FIRRM: variants seen among roughly 807,000 people sequenced by gnomAD.
FIRRM encodes FIGNL1 interacting regulator of recombination and mitosis.
At chr1:169,830,422 A>C in the FIRRM span, 18 of 1,241,340 alleles carry the variant, frequency 1.5e-5, no homozygotes. Flanking sequence ...TTGTAAGCTT[A>C]TAGAAAAACT....
the FIRRM span, chr1:169,784,992 A>T: frequency 1.3e-5 from 2 of 152,250 alleles, no homozygotes; most frequent in Non-Finnish European, 2.9e-5. Flanking sequence ...TTAGTCTGCC[A>T]GTATTGGAGA....
At chr1:169,788,549 T>G in the FIRRM span, among the ~76,000 whole-genome samples, 1 of 152,186 alleles carries the variant, frequency 6.6e-6, no homozygotes, top group Admixed American at 6.5e-5. Flanking sequence ...GTGGTTAAGT[T>G]TTCGAGGAGT....
chr1:169,849,373 T>C, the FIRRM span: 1 of 657,234 alleles, frequency 1.5e-6, no homozygotes, highest in Middle Eastern at 4.2e-4. Flanking sequence ...CTAATATGTT[T>C]TAGTGTGTGT....
chr1:169,789,626 A>G, the FIRRM span, among the ~76,000 whole-genome samples: 1 of 152,242 alleles, frequency 6.6e-6, no homozygotes. Flanking sequence ...TTCATCCTAA[A>G]TAATCTGCAA....
chr1:169,849,919 G>T, the FIRRM span: 8 of 461,158 alleles, frequency 1.7e-5, no homozygotes, highest in Non-Finnish European at 3.1e-5. Context: ...ATTTCATTTT[G>T]TGCTATCAGT....
the FIRRM span, chr1:169,795,842 T>C: frequency 6.0e-6 from 5 of 833,184 alleles, no homozygotes; most frequent in Admixed American, 1.0e-3. Flanking sequence ...GGAGTCTTTC[T>C]GAAAGAGTTC....
At chr1:169,853,628 T>G in the FIRRM span, 1 of 1,460,656 alleles carries the variant, frequency 6.8e-7, no homozygotes, top group Non-Finnish European at 9.5e-7. Flanking sequence ...TTTGGGGTTT[T>G]CTTGTCCCAA....
chr1:169,836,991 C>G, the FIRRM span: 2 of 1,613,746 alleles, frequency 1.2e-6, no homozygotes, highest in Non-Finnish European at 1.7e-6. Context: ...CAACATATTT[C>G]CTTCCAGGCG....
chr1:169,849,477 A>T, the FIRRM span: 1 of 1,552,204 alleles, frequency 6.4e-7, no homozygotes, highest in East Asian at 2.2e-5. Flanking sequence ...TTTCTCTATT[A>T]TAATAAGGCT....
chr1:169,803,157 C>T, the FIRRM span: 1 of 1,611,176 alleles, frequency 6.2e-7, no homozygotes. Context: ...AAATTTCCTT[C>T]CTTATTCACA....
At chr1:169,817,625 G>A in the FIRRM span, among the ~76,000 whole-genome samples, 16 of 152,114 alleles carry the variant, frequency 1.1e-4, no homozygotes, top group Admixed American at 6.5e-4. Context: ...CTTTGCACTA[G>A]TGTCCTATTG....
At chr1:169,795,589 C>T in the FIRRM span, 15 of 1,025,110 alleles carry the variant, frequency 1.5e-5, no homozygotes, top group South Asian at 5.4e-4. Flanking sequence ...ATGACGATAG[C>T]TCTGGCTCTT....
At chr1:169,832,333 T>G in the FIRRM span, 2 of 855,354 alleles carry the variant, frequency 2.3e-6, no homozygotes, top group Non-Finnish European at 4.0e-6. Flanking sequence ...GAGCTGCTAT[T>G]AATATTTTGG....
At chr1:169,787,132 C>G in the FIRRM span, among the ~76,000 whole-genome samples, 2 of 152,150 alleles carry the variant, frequency 1.3e-5, no homozygotes, top group African/African-American at 4.8e-5. Context: ...ATTTCAGCAG[C>G]CATCTGACTT....
At chr1:169,809,278 G>T in the FIRRM span, among the ~76,000 whole-genome samples, 8 of 150,774 alleles carry the variant, frequency 5.3e-5, no homozygotes. Flanking sequence ...TTCCTTTTTT[G>T]TCCTCACTTC....
At chr1:169,800,783 C>T in the FIRRM span, 4 of 375,462 alleles carry the variant, frequency 1.1e-5, no homozygotes, top group Admixed American at 1.5e-4. Flanking sequence ...GAAAGTGTAT[C>T]AAGCTTTAGA....
the FIRRM span, among the ~76,000 whole-genome samples, chr1:169,843,371 A>C: frequency 2.6e-5 from 4 of 152,350 alleles, no homozygotes; most frequent in African/African-American, 4.8e-5. Context: ...CAAGCCTTTC[A>C]GTGATAGACA....
chr1:169,830,630 C>A, the FIRRM span: 1 of 1,461,772 alleles, frequency 6.8e-7, no homozygotes, highest in Non-Finnish European at 9.6e-7. Flanking sequence ...GTGCTTTATG[C>A]AAGTTCATCT....
the FIRRM span, chr1:169,849,572 C>T: frequency 6.2e-6 from 10 of 1,614,008 alleles, no homozygotes; most frequent in South Asian, 8.8e-5. Context: ...GCTAGAACAA[C>T]ATACCTTGGA....
Sources: allele counts gnomAD v4.1 joint callset (sites outside exome capture counted in the v4.1 genomes callset), GRCh38; gene constraint gnomAD v4.1.1; transcripts MANE v1.5; gene names NCBI Gene and HGNC (gene_info 2026-07-23, HGNC 2026-07-21).